DOCK1: variants seen among roughly 807,000 people sequenced by gnomAD.
DOCK1 encodes dedicator of cytokinesis protein 1.
A neutral mutation model predicts 262.7 loss-of-function variants in DOCK1; 138 were observed. That is an observed-to-expected ratio of 0.53 (90% CI 0.46 to 0.61). The LOEUF is 0.61. Ranked by LOEUF, DOCK1 falls within the 20% of genes least tolerant of loss-of-function variation. DOCK1 has a pLI of 0.00. For missense variants in DOCK1, 1,908 were observed against 2,370.7 expected, an observed-to-expected ratio of 0.80 and a Z score of 4.05; for synonymous variants, 866 against 867.4, an observed-to-expected ratio of 1.00 and a Z score of 0.03.
Position 127,037,813 on chromosome 10 carries a change from G to A in DOCK1, c.2007G>A (p.Val669=), listed in dbSNP as rs775330330. Residue 669 remains valine (V), a synonymous_variant, in exon 19 of 52, where the codon GTG becomes GTA. Transcript: ENST00000623213. ...QLMKVDGGEV[V]KFLQDTLDAL... ...TGAAAGTCGATGGTGGTGAAGTAGTGAAGGTAACATGGAGCCCAAAGGGAC... is the reference window on the plus strand; with the variant it reads ...TGAAAGTCGATGGTGGTGAAGTAGTAAAGGTAACATGGAGCCCAAAGGGAC... The A allele has an allele frequency of 3.2e-6, 5 of 1,578,862 alleles. No homozygotes were observed. In the East Asian group the frequency reaches 6.9e-5, roughly 22 times the overall value.
At chr10:127,000,431 A>C in intron 10 of DOCK1, 124 bp downstream of exon 10, 1 of 1,352,072 alleles carries the variant, frequency 7.4e-7, no homozygotes, top group Non-Finnish European at 9.9e-7. Flanking sequence ...TGCTGGAGAG[A>C]AAAAATATAT....
intron 49 of DOCK1, among the ~76,000 whole-genome samples, chr10:127,442,255 C>T (rs553890534): frequency 5.9e-5 from 9 of 152,230 alleles, no homozygotes; most frequent in East Asian, 3.9e-4. Flanking sequence ...GGCCCTGGCA[C>T]AGCTGACTCC....
chr10:127,095,543 G>C (rs2047855881), intron 23 of DOCK1, among the ~76,000 whole-genome samples: 1 of 152,214 alleles, frequency 6.6e-6, no homozygotes, highest in South Asian at 2.1e-4. Flanking sequence ...TTGCTGCATG[G>C]CACAGCTACC....
At chr10:127,322,514 G>A (rs2062579462) in intron 29 of DOCK1, among the ~76,000 whole-genome samples, 1 of 141,596 alleles carries the variant, frequency 7.1e-6, no homozygotes, top group Non-Finnish European at 1.5e-5. Context: ...TTCTAAACCA[G>A]GGGTTGACAA....
chr10:127,018,462 C>G, intron 12 of DOCK1: 1 of 537,662 alleles, frequency 1.9e-6, no homozygotes, highest in Non-Finnish European at 3.3e-6. Flanking sequence ...TGCACAGCAG[C>G]TGCTGATGTG....
At chr10:126,924,324 C>G (rs111648281) in intron 1 of DOCK1, among the ~76,000 whole-genome samples, 1 of 94,798 alleles carries the variant, frequency 1.1e-5, no homozygotes, top group Non-Finnish European at 2.0e-5. Context: ...TGCTGGAACT[C>G]AGTAGGGGGA....
At chr10:127,110,012 CTTG>C (rs1308073446) in intron 24 of DOCK1, among the ~76,000 whole-genome samples, 19 of 151,994 alleles carry the variant, frequency 1.3e-4, no homozygotes, top group Admixed American at 9.8e-4. Context: ...TTTACCAACA[CTTG>C]TTATTGTCTG....
intron 1 of DOCK1, among the ~76,000 whole-genome samples, chr10:126,927,688 C>T (rs1023253017): frequency 0.16 from 23,725 of 152,140 alleles, 2,556 homozygotes; most frequent in African/African-American, 0.31. Context: ...CCGCCCACCT[C>T]GGCCTCCCAA....
intron 19 of DOCK1, among the ~76,000 whole-genome samples, chr10:127,040,908 AT>A (rs1325921948): frequency 6.6e-6 from 1 of 152,066 alleles, no homozygotes; most frequent in Non-Finnish European, 1.5e-5. Context: ...CCACATAGCT[AT>A]TAGTAGTCAC....
chr10:127,301,743 C>A (rs900765723), intron 29 of DOCK1, among the ~76,000 whole-genome samples: 2 of 151,916 alleles, frequency 1.3e-5, no homozygotes, highest in East Asian at 3.9e-4. Context: ...GTCAGGAGTT[C>A]GAGACCAGCC....
chr10:127,400,330 G>T (rs2134291855), intron 38 of DOCK1, among the ~76,000 whole-genome samples: 1 of 152,322 alleles, frequency 6.6e-6, no homozygotes, highest in Non-Finnish European at 1.5e-5. Flanking sequence ...GAAAGGAAAG[G>T]CAAAGGCCAG....
intron 30 of DOCK1, among the ~76,000 whole-genome samples, 195 bp from the exon 31 acceptor site, chr10:127,343,451 G>GACC (rs1284202744): frequency 2.0e-5 from 3 of 152,292 alleles, no homozygotes; most frequent in South Asian, 4.2e-4. Flanking sequence ...TGTGCACCGT[G>GACC]ACCTCTGAGC....
intron 29 of DOCK1, among the ~76,000 whole-genome samples, chr10:127,290,542 A>G (rs566098686): frequency 6.6e-6 from 1 of 152,204 alleles, no homozygotes; most frequent in African/African-American, 2.4e-5. Context: ...TATCACAACC[A>G]AGAACTTGTG....
At chr10:126,931,634 T>G (rs2034194685) in intron 1 of DOCK1, among the ~76,000 whole-genome samples, 1 of 152,174 alleles carries the variant, frequency 6.6e-6, no homozygotes, top group South Asian at 2.1e-4. Flanking sequence ...TGGTCGACTT[T>G]CCAGGAGTTT....
intron 1 of DOCK1, among the ~76,000 whole-genome samples, chr10:126,917,820 C>G (rs1046353316): frequency 1.3e-5 from 2 of 152,044 alleles, no homozygotes; most frequent in Admixed American, 1.3e-4. Context: ...CACCCAGGGC[C>G]AGTTTAAGAG....
chr10:127,096,195 C>T (rs1186787037), intron 23 of DOCK1, among the ~76,000 whole-genome samples: 2 of 152,224 alleles, frequency 1.3e-5, no homozygotes, highest in Non-Finnish European at 2.9e-5. Flanking sequence ...CATAGAGATG[C>T]CTCCTTGAGT....
chr10:127,134,902 T>C (rs948392048), intron 27 of DOCK1, among the ~76,000 whole-genome samples: 2 of 152,004 alleles, frequency 1.3e-5, no homozygotes, highest in Admixed American at 6.6e-5. Context: ...CGTGTGCAGA[T>C]GGGTTAGTAT....
At chr10:127,210,532 C>T (rs931017276) in intron 27 of DOCK1, among the ~76,000 whole-genome samples, 1 of 152,202 alleles carries the variant, frequency 6.6e-6, no homozygotes, top group African/African-American at 2.4e-5. Context: ...TACCAGGAGC[C>T]GAAGCAGAGG....
intron 11 of DOCK1, among the ~76,000 whole-genome samples, chr10:127,011,127 CT>C (rs2041407008): frequency 6.6e-6 from 1 of 152,060 alleles, no homozygotes; most frequent in South Asian, 2.1e-4. Context: ...ATGTGTAACT[CT>C]TATGTAATTT....
Sources: gnomAD v4.1 joint callset for allele counts (sites outside exome capture counted in the v4.1 genomes callset) on GRCh38, gnomAD v4.1.1 for gene constraint, MANE v1.5 for transcripts, NCBI Gene and HGNC (gene_info 2026-07-23, HGNC 2026-07-21) for gene names.